The following CALN1 variants were observed in gnomAD, a reference collection of about 807,000 sequenced individuals.
CALN1 encodes calcium-binding protein 8.
CALN1 carries 17 observed loss-of-function variants against 30.6 expected under a neutral mutation model. The ratio of observed to expected loss-of-function variants is 0.56; its 90% CI spans 0.38 to 0.83. CALN1 has a LOEUF of 0.83. CALN1 is among the 40% of genes least tolerant of loss of function. The probability of loss-of-function intolerance (pLI) is 0.00; values close to 1 mark genes in which losing one functional copy is unlikely to be tolerated. For synonymous variants in CALN1, 156 were observed against 131.4 expected, an observed-to-expected ratio of 1.19 and a Z score of -1.28; for missense variants, 291 against 354.9, an observed-to-expected ratio of 0.82 and a Z score of 1.45.
intron 2 of CALN1, among the ~76,000 whole-genome samples, chr7:72,370,411 T>C (rs1257380675): frequency 6.6e-6 from 1 of 152,262 alleles, no homozygotes; most frequent in Non-Finnish European, 1.5e-5. Context: ...GTGATTGACT[T>C]TGGGAGGCTG....
chr7:72,019,060 AG>A (rs1800562201), intron 5 of CALN1, among the ~76,000 whole-genome samples: 6 of 150,168 alleles, frequency 4.0e-5, no homozygotes, highest in Middle Eastern at 3.4e-3. Context: ...CATGTTGGCC[AG>A]GCTGGTCTCA....
intron 4 of CALN1, among the ~76,000 whole-genome samples, chr7:72,058,204 A>G (rs1803398074): frequency 6.6e-6 from 1 of 151,896 alleles, no homozygotes; most frequent in Non-Finnish European, 1.5e-5. Context: ...GATGATCGTA[A>G]GTGCAATTGT....
At chr7:71,901,748 C>T (rs1046919184) in intron 5 of CALN1, among the ~76,000 whole-genome samples, 3 of 152,032 alleles carry the variant, frequency 2.0e-5, no homozygotes, top group Non-Finnish European at 4.4e-5. Context: ...CTCTCTCTCA[C>T]CATATACAAA....
chr7:72,209,448 CCTTA>C (rs1344681926), intron 3 of CALN1, among the ~76,000 whole-genome samples: 1 of 134,404 alleles, frequency 7.4e-6, no homozygotes. Flanking sequence ...CTCCTTCCTT[CCTTA>C]CATCCTTTCT....
chr7:72,339,605 T>C (rs1187889878), intron 2 of CALN1, among the ~76,000 whole-genome samples: 1 of 152,206 alleles, frequency 6.6e-6, no homozygotes, highest in Non-Finnish European at 1.5e-5. Flanking sequence ...AGTCTGTTCT[T>C]ATGCTGCTAA....
chr7:72,115,776 G>A lies in CALN1; in HGVS notation c.245-9482C>T, dbSNP rs191699683. Reference sequence around the variant, plus strand: ...GCTAGGATTACAGGCGTGAGTCACCGTGCCCGGCCATATACATTCTTTTTT... The same window carrying A: ...GCTAGGATTACAGGCGTGAGTCACCATGCCCGGCCATATACATTCTTTTTT... On this transcript the variant is annotated intron_variant, in intron 3 of 6. Transcript: ENST00000395275. 4.5e-3 allele frequency among the ~76,000 whole-genome samples: 679 copies of A among 151,950 alleles called. 4 individuals are homozygous for A. The highest frequency in any genetic ancestry group is 0.015 in the African/African-American group (612 of 41,438).
chr7:72,151,909 T>C lies in CALN1; in HGVS notation c.245-45615A>G, dbSNP rs1167306146. Among the ~76,000 whole-genome samples, 3 of 127,956 alleles carry C rather than the reference T, an allele frequency of 2.3e-5. No individual in the cohort carries two copies. In the Admixed American group the frequency reaches 2.6e-4, roughly 11 times the overall value. The allele number at this position is 127,956 out of a possible 152,430, so 83.9% of individuals were successfully genotyped here. A position where few individuals can be genotyped will look rare whatever the true frequency, so the allele number is the denominator to read the frequency against. Reference sequence around the variant, plus strand: ...TTTTTTATTTTTATTTTTATTCTTTTCTTTTTTTTTTTTTTTCAAGACAGA... The same window carrying C: ...TTTTTTATTTTTATTTTTATTCTTTCCTTTTTTTTTTTTTTTCAAGACAGA... On this transcript the variant is annotated intron_variant, in intron 3 of 6. Transcript: ENST00000395275.
chr7:71,898,410 T>C (rs1430469056), intron 5 of CALN1, among the ~76,000 whole-genome samples: 1 of 152,144 alleles, frequency 6.6e-6, no homozygotes, highest in African/African-American at 2.4e-5. Flanking sequence ...ACATGGCTGA[T>C]AAAAGGATTT....
intron 2 of CALN1, among the ~76,000 whole-genome samples, chr7:72,345,176 A>C (rs1044501424): frequency 6.6e-6 from 1 of 150,596 alleles, no homozygotes; most frequent in South Asian, 2.1e-4. Flanking sequence ...CATCTTACAG[A>C]TCTTAAGAGC....
chr7:71,992,002 AT>A (rs1798980427), intron 5 of CALN1, among the ~76,000 whole-genome samples: 1 of 152,236 alleles, frequency 6.6e-6, no homozygotes, highest in South Asian at 2.1e-4. Flanking sequence ...CTTTGTTTGT[AT>A]GATTATAGAT....
At chr7:71,798,101 C>CAG (rs1442774210) in intron 6 of CALN1, among the ~76,000 whole-genome samples, 3 of 76,872 alleles carry the variant, frequency 3.9e-5, no homozygotes, top group African/African-American at 5.9e-5. Context: ...GAGAGAGAGA[C>CAG]AGAGAGAGAC....
At chr7:72,266,694 G>A (rs1796618731) in intron 3 of CALN1, among the ~76,000 whole-genome samples, 3 of 152,184 alleles carry the variant, frequency 2.0e-5, no homozygotes, top group Admixed American at 2.0e-4. Flanking sequence ...AGCTGGCAGG[G>A]AAGGTAGGTA....
At position 71,827,492 on chromosome 7, in the gene CALN1, C is replaced by A. The variant is rs143250999; in HGVS notation, c.502-17000G>T. ...AAGATAAGAAACAAAAGAGTGAGGACGGGCATGGTGGCTCACGCCTGTAAT... is the reference window on the plus strand; with the variant it reads ...AAGATAAGAAACAAAAGAGTGAGGAAGGGCATGGTGGCTCACGCCTGTAAT... On this transcript the variant is annotated intron_variant, in intron 5 of 6. Coordinates refer to ENST00000395275, the MANE Select transcript of CALN1 (RefSeq NM_031468.4). Among the ~76,000 whole-genome samples the A allele has an allele frequency of 2.3e-3, 346 of 152,160 alleles. 2 individuals are homozygous for A. Among genetic ancestry groups the A allele is most frequent in the Middle Eastern group, 6.8e-3 (2 of 294 alleles).
intron 3 of CALN1, among the ~76,000 whole-genome samples, chr7:72,205,342 A>G (rs1791748763): frequency 6.6e-6 from 1 of 151,340 alleles, no homozygotes. Context: ...CTGGGATTAC[A>G]GGCATGTACC....
At chr7:71,797,562 T>G (rs1787004532) in intron 6 of CALN1, among the ~76,000 whole-genome samples, 1 of 152,150 alleles carries the variant, frequency 6.6e-6, no homozygotes, top group East Asian at 1.9e-4. Flanking sequence ...ATGATGCTTT[T>G]GTTAAGAGGA....
In CALN1 at chr7:72,361,450, G is replaced by A. The variant is rs377713321; in HGVS notation, c.119+41801C>T. 1.2e-3 allele frequency among the ~76,000 whole-genome samples: 186 copies of A among 152,296 alleles called. 1 individual carries two copies. In the Middle Eastern group the frequency reaches 0.014, roughly 11 times the overall value. On this transcript the variant is annotated intron_variant, in intron 2 of 6. Transcript: ENST00000395275. ...GAACCCAGGAGTTTGAGGCTACAGT[G>A]AGCTATGATGGCACCACTGCACTCC...
chr7:71,799,265 T>C (rs1584242894), intron 6 of CALN1, among the ~76,000 whole-genome samples: 1 of 152,064 alleles, frequency 6.6e-6, no homozygotes, highest in African/African-American at 2.4e-5. Flanking sequence ...CTTTCACAGA[T>C]GGAGAAAAGG....
chr7:71,982,517 C>T (rs1322403299), intron 5 of CALN1, among the ~76,000 whole-genome samples: 2 of 152,212 alleles, frequency 1.3e-5, no homozygotes, highest in Non-Finnish European at 1.5e-5. Flanking sequence ...TCACTTGAAC[C>T]GGGGAGGCAG....
chr7:72,249,188 C>A (rs751030832), intron 3 of CALN1, among the ~76,000 whole-genome samples: 2 of 152,134 alleles, frequency 1.3e-5, no homozygotes, highest in South Asian at 4.1e-4. Flanking sequence ...TCAGGCCACC[C>A]CTGCCTGGCT....
Sources: gnomAD v4.1 joint callset for allele counts (sites outside exome capture counted in the v4.1 genomes callset) on GRCh38, gnomAD v4.1.1 for gene constraint, MANE v1.5 for transcripts, NCBI Gene and HGNC (gene_info 2026-07-23, HGNC 2026-07-21) for gene names.